The following USP47 variants were observed in gnomAD, a reference collection of about 807,000 sequenced individuals.
The protein encoded by USP47 is ubiquitin specific peptidase 47, also known as ubiquitin carboxyl-terminal hydrolase 47.
In USP47, 35 loss-of-function variants were observed where a neutral mutation model predicts 165.1. That is an observed-to-expected ratio of 0.21 (90% CI 0.16 to 0.28). The LOEUF (loss-of-function observed/expected upper bound fraction) is 0.28. USP47 is among the 10% of genes least tolerant of loss of function. The pLI is 1.00. For missense variants in USP47, 1,277 were observed against 1,607.4 expected (o/e 0.79, Z 3.52); for synonymous variants, 531 against 544.5 (o/e 0.98, Z 0.35).
chr11:11,861,708 C>CT (rs1849397582), intron 1 of USP47, among the ~76,000 whole-genome samples: 1 of 152,004 alleles, frequency 6.6e-6, no homozygotes, highest in Non-Finnish European at 1.5e-5. Context: ...GAGGGACACC[C>CT]TAATACTAGA....
chr11:11,880,272 A>C lies in USP47; in HGVS notation c.135A>C (p.Pro45=). ...ATGAACGGATCACTTTAAATTTACC[A>C]GCATCTACTCCAGTCAGAAAGCTCT... is the stretch of plus-strand genomic sequence containing the variant. ...TVNERITLNL[P]ASTPVRKLFE... is the part of the protein sequence containing the mutation. Residue 45 remains proline (P), a synonymous_variant, in exon 2 of 28, where the codon CCA becomes CCC. Transcript: ENST00000527733. 1 of 1,453,768 alleles carries C rather than the reference A, an allele frequency of 6.9e-7. No individual in the cohort carries two copies. Among genetic ancestry groups the C allele is most frequent in the Non-Finnish European group, 9.0e-7 (1 of 1,113,036 alleles). 90.1% of individuals were successfully genotyped at this position (1,453,768 alleles called of 1,614,324 possible). A position where few individuals can be genotyped will look rare whatever the true frequency, so the allele number is the denominator to read the frequency against.
At chr11:11,927,930 G>C (rs1854371743) in intron 11 of USP47, among the ~76,000 whole-genome samples, 1 of 152,002 alleles carries the variant, frequency 6.6e-6, no homozygotes, top group East Asian at 1.9e-4. Context: ...ACTCTGTCAT[G>C]ACTGTATTAT....
At chr11:11,919,656 A>G (rs974483763) in intron 8 of USP47, among the ~76,000 whole-genome samples, 2 of 151,962 alleles carry the variant, frequency 1.3e-5, no homozygotes, top group African/African-American at 4.8e-5. Flanking sequence ...TAACTAGTGC[A>G]GTGGCAGATT....
chr11:11,920,494 G>T lies in USP47; in HGVS notation c.1218G>T (p.Glu406Asp). The part of the protein sequence containing the change: ...DMSTFIDVED[E>D]KSPQTESCTD... ...GTACTTTTATTGATGTTGAAGATGA[G>T]GTAAATATTTGTTATTTTAAAGTAT... Residue 406 changes from glutamate (E) to aspartate (D), a missense_variant and splice_region_variant, in exon 10 of 28, where the codon GAG (glutamate) becomes GAT (aspartate). Physicochemically the swap from Glu to Asp is conservative, Grantham distance 45. Coordinates refer to ENST00000527733, the MANE Select transcript of USP47 (RefSeq NM_001282659.2). 1 of 1,592,264 alleles carries T rather than the reference G, an allele frequency of 6.3e-7. No individual in the cohort carries two copies. The highest frequency in any genetic ancestry group is 8.5e-7 in the Non-Finnish European group (1 of 1,172,382).
At chr11:11,925,177 GGC>G (rs1854143173) in intron 11 of USP47, among the ~76,000 whole-genome samples, 3 of 149,150 alleles carry the variant, frequency 2.0e-5, no homozygotes, top group Admixed American at 2.0e-4. Flanking sequence ...GTGTGATCTC[GGC>G]TCACTGCAAG....
At chr11:11,846,800 T>G (rs72856337) in intron 1 of USP47, among the ~76,000 whole-genome samples, 19,436 of 152,188 alleles carry the variant, frequency 0.13, 1,577 homozygotes, top group Middle Eastern at 0.39. Context: ...ATGCATATTC[T>G]TTTAATTTTA....
intron 1 of USP47, among the ~76,000 whole-genome samples, chr11:11,877,325 A>AAT (rs1357817160): frequency 6.6e-6 from 1 of 152,176 alleles, no homozygotes; most frequent in East Asian, 1.9e-4. Flanking sequence ...TCCACATGTT[A>AAT]TATTAAAGTA....
At chr11:11,884,352 G>T in intron 2 of USP47, 115 bp from the exon 3 acceptor site, 1 of 760,612 alleles carries the variant, frequency 1.3e-6, no homozygotes, top group Non-Finnish European at 2.0e-6. Context: ...TAGATGAAGA[G>T]AATTTTACCA....
In USP47 at chr11:11,892,069, C is replaced by T; in HGVS notation, c.459C>T (p.Ser153=). The part of the protein sequence containing the change: ...GGSTSDYVSQ[S]YSYSSILNKS... The stretch of plus-strand genomic sequence containing the variant: ...CTACCAGTGATTATGTCAGCCAAAG[C>T]TACTCCTACTCATCTATTTTGAATA... Residue 153 remains serine, a synonymous_variant, in exon 4 of 28, where the codon AGC becomes AGT. Transcript: ENST00000527733. The T allele has an allele frequency of 6.2e-7, 1 of 1,613,746 alleles. No individual in the cohort carries two copies. The highest frequency in any genetic ancestry group is 1.1e-5 in the South Asian group (1 of 91,010).
chr11:11,871,451 T>G (rs545283375), intron 1 of USP47, among the ~76,000 whole-genome samples: 2 of 129,608 alleles, frequency 1.5e-5, no homozygotes, highest in African/African-American at 3.0e-5. Flanking sequence ...TGCAGTGAGC[T>G]GAGATCGTGC....
rs757826024 is a variant in USP47, at chr11:11,884,462, C to T, written c.244-5C>T. 6.4e-7 allele frequency: 1 copy of T among 1,574,324 alleles called. No homozygotes were observed. On this transcript the variant is annotated splice_polypyrimidine_tract_variant and splice_region_variant and intron_variant, in intron 2 of 27. Transcript: ENST00000527733. ...AATCTGAAACATTATGTTTTATGTC[C>T]ATAGGCACCACTGGATCATACCAGT...
rs1052531208 is a variant in USP47, at chr11:11,892,141, C to T, written c.496+35C>T. 5 of 1,589,932 alleles carry T rather than the reference C, an allele frequency of 3.1e-6. No individual in the cohort carries two copies. In the African/African-American group the frequency reaches 5.4e-5, roughly 17 times the overall value. ...GTTGTATTTTCATAAAATCATAGGG[C>T]ATTAGATCCAAAGTAATCTTAGCGA... On this transcript the variant is annotated intron_variant, in intron 4 of 27. Transcript: ENST00000527733.
rs866236334 is a variant in USP47, at chr11:11,959,189, G to A, written c.*3014G>A. 1 of 152,144 alleles carries A rather than the reference G, an allele frequency of 6.6e-6. No homozygotes were observed. The highest frequency in any genetic ancestry group is 1.5e-5 in the Non-Finnish European group (1 of 68,024). The allele number at this position is 152,144 out of a possible 1,614,324, so 9.4% of individuals were successfully genotyped here. A position where few individuals can be genotyped will look rare whatever the true frequency, so the allele number is the denominator to read the frequency against. On this transcript the variant is annotated 3_prime_UTR_variant, in exon 28 of 28. Coordinates refer to ENST00000527733, the MANE Select transcript of USP47 (RefSeq NM_001282659.2). ...ACTTCCTTTTTGATTGGATACTGTA[G>A]TTCTTCCTCTGGATTTTATTTTGTT...
At chr11:11,930,163 A>G in intron 13 of USP47, 43 bp downstream of exon 13, 1 of 1,519,082 alleles carries the variant, frequency 6.6e-7, no homozygotes, top group Non-Finnish European at 9.1e-7. Flanking sequence ...GTTAGAATTA[A>G]TTATAGCTTC....
At chr11:11,890,460 A>G (rs992736455) in intron 3 of USP47, among the ~76,000 whole-genome samples, 6 of 152,262 alleles carry the variant, frequency 3.9e-5, no homozygotes, top group Admixed American at 2.0e-4. Context: ...ATTACTGATC[A>G]TTAGAGAAAT....
chr11:11,895,355 T>C (rs1358476364), intron 4 of USP47, among the ~76,000 whole-genome samples: 1 of 152,196 alleles, frequency 6.6e-6, no homozygotes, highest in African/African-American at 2.4e-5. Context: ...CCTTCCTGAG[T>C]TACTCTATAA....
chr11:11,875,026 T>G (rs1850300761), intron 1 of USP47, among the ~76,000 whole-genome samples: 1 of 144,448 alleles, frequency 6.9e-6, no homozygotes. Flanking sequence ...GAGAGAAAAT[T>G]GACTTATTGT....
chr11:11,881,284 C>A (rs1850810094), intron 2 of USP47, among the ~76,000 whole-genome samples: 1 of 152,068 alleles, frequency 6.6e-6, no homozygotes, highest in Admixed American at 6.6e-5. Flanking sequence ...AGGAGCTGAT[C>A]AGTACCTTGT....
At chr11:11,901,524 A>T (rs1234342111) in intron 5 of USP47, among the ~76,000 whole-genome samples, 1 of 152,162 alleles carries the variant, frequency 6.6e-6, no homozygotes, top group East Asian at 1.9e-4. Context: ...CTTGTTATTG[A>T]GACAGTAGCT....
Sources: allele counts gnomAD v4.1 joint callset (sites outside exome capture counted in the v4.1 genomes callset), GRCh38; gene constraint gnomAD v4.1.1; transcripts MANE v1.5; gene names NCBI Gene and HGNC (gene_info 2026-07-23, HGNC 2026-07-21).